Variants in DYNC1I1 observed in about 807,000 individuals in gnomAD.
DYNC1I1 encodes the protein cytoplasmic dynein 1 intermediate chain 1.
Under a neutral mutation model 86.6 loss-of-function variants are expected in DYNC1I1, and 43 were observed. That is an observed-to-expected ratio of 0.50 (90% CI 0.39 to 0.64). DYNC1I1 has a LOEUF of 0.64. Among genes scored for constraint, DYNC1I1 ranks in the 30% least tolerant of loss-of-function variants. The pLI is 0.00. For missense variants in DYNC1I1, 604 were observed against 788.8 expected, an observed-to-expected ratio of 0.77 and a Z score of 2.81; for synonymous variants, 262 against 283.7, an observed-to-expected ratio of 0.92 and a Z score of 0.77.
In DYNC1I1 at chr7:95,977,572, A is replaced by T; in HGVS notation, c.551A>T (p.Asn184Ile). ...GTTGGCCAGGACTCAGAACTGGAAA[A>T]TCAGGACAAAAAACAGGAAGTGAAG... ...SKVGQDSELE[N>I]QDKKQEVKEA... Residue 184 changes from asparagine to isoleucine, a missense_variant, in exon 7 of 17, where the codon AAT becomes ATT. Physicochemically the swap from Asn to Ile is moderately radical, Grantham distance 149. Coordinates refer to ENST00000447467, the MANE Select transcript of DYNC1I1 (RefSeq NM_001135556.2). 6.2e-7 allele frequency: 1 copy of T among 1,613,444 alleles called. No homozygotes were observed. The highest frequency in any genetic ancestry group is 8.5e-7 in the Non-Finnish European group (1 of 1,179,712).
chr7:96,018,802 G>C (rs1794467970), intron 10 of DYNC1I1, among the ~76,000 whole-genome samples: 1 of 152,196 alleles, frequency 6.6e-6, no homozygotes, highest in African/African-American at 2.4e-5. Context: ...AGTTGGGCTG[G>C]TTGTGAAAAT....
At chr7:96,080,071 C>T (rs1440023662) in intron 15 of DYNC1I1, among the ~76,000 whole-genome samples, 3 of 152,080 alleles carry the variant, frequency 2.0e-5, no homozygotes, top group Non-Finnish European at 4.4e-5. Flanking sequence ...GTTGGATGTA[C>T]ACTTGTCATA....
intron 11 of DYNC1I1, among the ~76,000 whole-genome samples, chr7:96,031,732 G>A (rs1435615239): frequency 6.6e-6 from 1 of 152,160 alleles, no homozygotes; most frequent in Non-Finnish European, 1.5e-5. Flanking sequence ...CTCACCAAGG[G>A]TAAGACTGAT....
chr7:96,085,277 G>A (rs756598034), intron 16 of DYNC1I1, among the ~76,000 whole-genome samples: 1 of 152,216 alleles, frequency 6.6e-6, no homozygotes, highest in Non-Finnish European at 1.5e-5. Flanking sequence ...CAGATTTAGT[G>A]GTGCAATTTA....
At chr7:96,049,604 T>C (rs1789335707) in intron 14 of DYNC1I1, among the ~76,000 whole-genome samples, 1 of 152,182 alleles carries the variant, frequency 6.6e-6, no homozygotes, top group Non-Finnish European at 1.5e-5. Flanking sequence ...AGCCTCACAC[T>C]TCAGCTTGTA....
At chr7:95,789,837 T>C (rs1334813817) in intron 1 of DYNC1I1, among the ~76,000 whole-genome samples, 1 of 152,222 alleles carries the variant, frequency 6.6e-6, no homozygotes, top group Non-Finnish European at 1.5e-5. Context: ...ATTTCAAAAG[T>C]TTAACTGCAA....
In DYNC1I1 at chr7:95,975,301, C is replaced by T. The variant is rs78284058; in HGVS notation, c.491-2211C>T. 4.1e-4 allele frequency among the ~76,000 whole-genome samples: 63 copies of T among 152,254 alleles called. 1 individual carries two copies. In the East Asian group the frequency reaches 0.012, roughly 28 times the overall value. On this transcript the variant is annotated intron_variant, in intron 6 of 16. Coordinates refer to ENST00000447467, the MANE Select transcript of DYNC1I1 (RefSeq NM_001135556.2). Reference sequence around the variant, plus strand: ...CTGTTTAAACAACAGAAATGTAATGCCTCACAGTTCTGGAGGCTAGGATCT... The same window carrying T: ...CTGTTTAAACAACAGAAATGTAATGTCTCACAGTTCTGGAGGCTAGGATCT...
chr7:96,014,604 A>G (rs1367233122), intron 10 of DYNC1I1, among the ~76,000 whole-genome samples: 1 of 152,192 alleles, frequency 6.6e-6, no homozygotes, highest in Non-Finnish European at 1.5e-5. Context: ...GATCTAATCA[A>G]ATGGGGCTCA....
chr7:95,941,688 T>A (rs1175956887), intron 6 of DYNC1I1, among the ~76,000 whole-genome samples: 1 of 152,210 alleles, frequency 6.6e-6, no homozygotes, highest in Non-Finnish European at 1.5e-5. Context: ...TGACCCGATT[T>A]TCCAGGTGCC....
chr7:96,036,202 G>A (rs1562980372), intron 13 of DYNC1I1, among the ~76,000 whole-genome samples: 1 of 152,092 alleles, frequency 6.6e-6, no homozygotes, highest in Non-Finnish European at 1.5e-5. Flanking sequence ...CATTCCATGT[G>A]AAACATTTTC....
In DYNC1I1 at chr7:96,035,850, C is replaced by T. The variant is rs1176371998; in HGVS notation, c.1364+98C>T. On this transcript the variant is annotated intron_variant, in intron 13 of 16. Transcript: ENST00000447467. Reference sequence around the variant, plus strand: ...ACCACCTTGCATTATGAGAAAGCATCTCTGGAAAAATGGAAAGCACGACTT... The same window carrying T: ...ACCACCTTGCATTATGAGAAAGCATTTCTGGAAAAATGGAAAGCACGACTT... The T allele has an allele frequency of 4.6e-5, 72 of 1,560,946 alleles. No individual in the cohort carries two copies. In the Middle Eastern group the frequency reaches 1.2e-3, roughly 26 times the overall value.
chr7:95,826,094 CAG>C (rs1795196947), intron 4 of DYNC1I1, among the ~76,000 whole-genome samples: 1 of 152,178 alleles, frequency 6.6e-6, no homozygotes. Context: ...GTTTGAAATG[CAG>C]AGTCTCGGGC....
chr7:96,002,023 A>T (rs1794024319), intron 10 of DYNC1I1, among the ~76,000 whole-genome samples: 2 of 152,210 alleles, frequency 1.3e-5, no homozygotes, highest in East Asian at 1.9e-4. Flanking sequence ...TTCCTGAAGA[A>T]ATTTCACCTA....
intron 6 of DYNC1I1, among the ~76,000 whole-genome samples, chr7:95,879,227 TCTTAA>T (rs895749305): frequency 9.2e-5 from 14 of 152,200 alleles, no homozygotes; most frequent in African/African-American, 3.1e-4. Context: ...CTTTTCCTTC[TCTTAA>T]CTTATTTAAA....
At chr7:95,780,237 A>G (rs1174176067) in intron 1 of DYNC1I1, among the ~76,000 whole-genome samples, 1 of 151,948 alleles carries the variant, frequency 6.6e-6, no homozygotes, top group African/African-American at 2.4e-5. Context: ...AATGTTATAC[A>G]TCCTTTGCCT....
chr7:96,062,491 T>C (rs1036918158), intron 14 of DYNC1I1, among the ~76,000 whole-genome samples: 2 of 152,102 alleles, frequency 1.3e-5, no homozygotes, highest in Admixed American at 6.5e-5. Flanking sequence ...AACCAGGCTA[T>C]AGATATTTGT....
chr7:95,817,278 T>C (rs1794968353), intron 4 of DYNC1I1, among the ~76,000 whole-genome samples: 1 of 152,028 alleles, frequency 6.6e-6, no homozygotes, highest in Non-Finnish European at 1.5e-5. Flanking sequence ...ATGAGGACAC[T>C]GAGATGCGCA....
chr7:96,001,208 T>C (rs1033989537), intron 10 of DYNC1I1, among the ~76,000 whole-genome samples: 5 of 152,158 alleles, frequency 3.3e-5, no homozygotes, highest in Admixed American at 1.3e-4. Flanking sequence ...ATTCAGGAAG[T>C]ATCCTGGGAA....
chr7:95,988,562 A>C (rs1290511501), intron 9 of DYNC1I1, among the ~76,000 whole-genome samples: 2 of 152,208 alleles, frequency 1.3e-5, no homozygotes, highest in African/African-American at 2.4e-5. Context: ...AAAGGCACAC[A>C]GCCTAGTGTG....
Sources: allele counts gnomAD v4.1 joint callset (sites outside exome capture counted in the v4.1 genomes callset), GRCh38; gene constraint gnomAD v4.1.1; transcripts MANE v1.5; gene names NCBI Gene and HGNC (gene_info 2026-07-23, HGNC 2026-07-21).